The following SLC9C2 variants were observed in gnomAD, a reference collection of about 807,000 sequenced individuals.
SLC9C2 encodes sodium/hydrogen exchanger 11.
In SLC9C2, 75 loss-of-function variants were observed where a neutral mutation model predicts 140.2. That is an observed-to-expected ratio of 0.53 (90% CI 0.44 to 0.65). SLC9C2 has a LOEUF of 0.65. SLC9C2 is among the 30% of genes least tolerant of loss of function. SLC9C2 has a pLI of 0.00. For missense variants in SLC9C2, 1,074 were observed against 1,331.8 expected, an observed-to-expected ratio of 0.81 and a Z score of 3.01; for synonymous variants, 375 against 420.9, an observed-to-expected ratio of 0.89 and a Z score of 1.34.
Position 173,506,859 on chromosome 1 carries a change from C to T in SLC9C2, c.3222G>A (p.Glu1074=), listed in dbSNP as rs750967128. 6 of 1,611,540 alleles carry T rather than the reference C, an allele frequency of 3.7e-6. No homozygotes were observed. The highest frequency in any genetic ancestry group is 2.2e-5 in the East Asian group (1 of 44,790). Residue 1074 remains glutamate, a synonymous_variant, in exon 25 of 28, where the codon GAG becomes GAA. Coordinates refer to ENST00000367714, the MANE Select transcript of SLC9C2 (RefSeq NM_178527.4). ...CTTTAGAAATGATATTTCTTACCTG[C>T]TCACAGGTTGTAGGTATAATGCAAG... ...FAPCIIPTTC[E]QVQGTSDLSK... is the part of the protein sequence containing the mutation.
chr1:173,525,103 G>A (rs1661104988), intron 19 of SLC9C2, among the ~76,000 whole-genome samples, 176 bp from the exon 20 acceptor site: 1 of 152,146 alleles, frequency 6.6e-6, no homozygotes, highest in African/African-American at 2.4e-5. Flanking sequence ...TTTTATGGAT[G>A]AGAAAATTGG....
intron 4 of SLC9C2, among the ~76,000 whole-genome samples, chr1:173,592,588 T>C (rs895741242): frequency 1.3e-5 from 2 of 152,170 alleles, no homozygotes; most frequent in African/African-American, 4.8e-5. Context: ...TGGTAAGCTG[T>C]ATTCTAGATA....
chr1:173,511,029 C>CTTTTTTTTTTTTTTTTT (rs71111066), intron 23 of SLC9C2, among the ~76,000 whole-genome samples: 9 of 86,738 alleles, frequency 1.0e-4, no homozygotes, highest in African/African-American at 4.4e-4. Flanking sequence ...CTTTCTTTTC[C>CTTTTTTTTTTTTTTTTT]TTTTTTTTTT....
chr1:173,537,779 A>G (rs1246208034), intron 13 of SLC9C2, among the ~76,000 whole-genome samples: 1 of 152,152 alleles, frequency 6.6e-6, no homozygotes, highest in Non-Finnish European at 1.5e-5. Flanking sequence ...ACAAAGAACT[A>G]TCAAAAGAAA....
At chr1:173,587,350 C>G (rs887417880) in intron 5 of SLC9C2, among the ~76,000 whole-genome samples, 1 of 152,000 alleles carries the variant, frequency 6.6e-6, no homozygotes, top group Non-Finnish European at 1.5e-5. Flanking sequence ...GAATATCTAC[C>G]TTGTGGCTAA....
intron 5 of SLC9C2, among the ~76,000 whole-genome samples, chr1:173,585,417 A>C (rs1001356348): frequency 3.3e-5 from 5 of 152,208 alleles, no homozygotes; most frequent in Non-Finnish European, 4.4e-5. Flanking sequence ...TTTATTTAAT[A>C]GTTTCTTTTA....
intron 4 of SLC9C2, among the ~76,000 whole-genome samples, chr1:173,590,419 GTCC>G (rs1322340078): frequency 6.6e-6 from 1 of 151,924 alleles, no homozygotes; most frequent in Non-Finnish European, 1.5e-5. Flanking sequence ...AACTAAAATA[GTCC>G]TCCTTTATCT....
At chr1:173,511,559 C>A (rs1161634847) in intron 23 of SLC9C2, among the ~76,000 whole-genome samples, 1 of 151,986 alleles carries the variant, frequency 6.6e-6, no homozygotes, top group Non-Finnish European at 1.5e-5. Context: ...GATATTAGAC[C>A]TTTGTCAGAT....
chr1:173,524,822 G>A lies in SLC9C2; in HGVS notation c.2471C>T (p.Ser824Leu). The A allele has an allele frequency of 6.2e-7, 1 of 1,614,012 alleles. No individual in the cohort carries two copies. The highest frequency in any genetic ancestry group is 8.5e-7 in the Non-Finnish European group (1 of 1,179,936). The change falls in exon 20 of 28, where the codon TCA becomes TTA. Residue 824 changes from serine (S) to leucine (L), a missense_variant. Coordinates refer to ENST00000367714, the MANE Select transcript of SLC9C2 (RefSeq NM_178527.4). ...TTCATGCTTATCAATAATGCCTCTT[G>A]AACAAAGGAAGGTGAGATTTTTTAG... The part of the protein sequence containing the change: ...KALKNLTFLC[S>L]RGIIDKHEVI...
At chr1:173,516,850 C>CA (rs1457918726) in intron 23 of SLC9C2, among the ~76,000 whole-genome samples, 1 of 152,170 alleles carries the variant, frequency 6.6e-6, no homozygotes, top group African/African-American at 2.4e-5. Context: ...ATTGCTGGGT[C>CA]AATGGTACTT....
At position 173,530,018 on chromosome 1, in the gene SLC9C2, G is replaced by C; in HGVS notation, c.2200C>G (p.Gln734Glu). ...VPILIRIADV[Q>E]IKKRLSLMYS... ...ATCAAGCTGAGGCGCTTTTTGATCT[G>C]CACATCTGCAATTCTTATCAGTATT... Residue 734 changes from glutamine (Q) to glutamate (E), a missense_variant, in exon 18 of 28, where the codon CAG (glutamine) becomes GAG (glutamate). Transcript: ENST00000367714. The C allele has an allele frequency of 6.2e-7, 1 of 1,612,080 alleles. No individual in the cohort carries two copies. Among genetic ancestry groups the C allele is most frequent in the Non-Finnish European group, 8.5e-7 (1 of 1,179,492 alleles).
chr1:173,574,413 A>T (rs1241832485), intron 8 of SLC9C2, among the ~76,000 whole-genome samples: 1 of 151,926 alleles, frequency 6.6e-6, no homozygotes, highest in Non-Finnish European at 1.5e-5. Context: ...CTGAACCCCT[A>T]CTGGGGAAGA....
Position 173,581,881 on chromosome 1 carries a change from G to T in SLC9C2, c.768C>A (p.Leu256=). ...AAGTCATGTACACCATTGAAAAGCAGAGAATGATATTAGTCAGCATATTGC... is the reference window on the plus strand; with the variant it reads ...AAGTCATGTACACCATTGAAAAGCATAGAATGATATTAGTCAGCATATTGC... The part of the protein sequence containing the change: ...VFSNMLTNII[L]CFSMVYMTFY... Residue 256 remains leucine (L), a synonymous_variant, in exon 7 of 28, where the codon CTC becomes CTA. Coordinates refer to ENST00000367714, the MANE Select transcript of SLC9C2 (RefSeq NM_178527.4). 6.3e-7 allele frequency: 1 copy of T among 1,594,470 alleles called. No homozygotes were observed. The highest frequency in any genetic ancestry group is 1.1e-5 in the South Asian group (1 of 87,288).
intron 4 of SLC9C2, among the ~76,000 whole-genome samples, chr1:173,592,257 A>G (rs564701099): frequency 1.6e-4 from 24 of 152,280 alleles, no homozygotes; most frequent in Non-Finnish European, 2.5e-4. Context: ...TGTTTTGATT[A>G]CTGTAGTCCT....
intron 9 of SLC9C2, among the ~76,000 whole-genome samples, chr1:173,561,862 G>GACAC (rs1034067865): frequency 4.1e-5 from 5 of 122,230 alleles, no homozygotes; most frequent in Non-Finnish European, 7.9e-5. Flanking sequence ...CACAGACACA[G>GACAC]ACACACACAC....
rs758643461 is a variant in SLC9C2, at chr1:173,548,373, C to T, written c.1461+16G>A. The T allele has an allele frequency of 2.5e-6, 4 of 1,599,156 alleles. No homozygotes were observed. The highest frequency in any genetic ancestry group is 2.3e-5 in the South Asian group (2 of 88,368). ...GGAAGGAAAGGAAAACTACTTTTTGCCAGGTATCAACTCACAGGAATGTAT... is the reference window on the plus strand; with the variant it reads ...GGAAGGAAAGGAAAACTACTTTTTGTCAGGTATCAACTCACAGGAATGTAT... On this transcript the variant is annotated intron_variant, in intron 12 of 27. Transcript: ENST00000367714.
intron 4 of SLC9C2, among the ~76,000 whole-genome samples, chr1:173,590,603 G>A (rs10798291): frequency 0.4 from 60,656 of 151,722 alleles, 14,815 homozygotes; most frequent in East Asian, 0.68. Flanking sequence ...TAGAACAAGT[G>A]TAACCATATG....
chr1:173,538,092 T>A (rs1662105530), intron 13 of SLC9C2, among the ~76,000 whole-genome samples: 1 of 152,238 alleles, frequency 6.6e-6, no homozygotes, highest in Non-Finnish European at 1.5e-5. Flanking sequence ...TTAGCTCCTT[T>A]TCCAGAAGAC....
intron 17 of SLC9C2, among the ~76,000 whole-genome samples, chr1:173,532,031 CT>C (rs1486157426): frequency 5.9e-5 from 9 of 152,138 alleles, no homozygotes; most frequent in African/African-American, 2.2e-4. Flanking sequence ...CAAAATTACC[CT>C]TTAAACCAGG....
Sources: allele counts gnomAD v4.1 joint callset (sites outside exome capture counted in the v4.1 genomes callset), GRCh38; gene constraint gnomAD v4.1.1; transcripts MANE v1.5; gene names NCBI Gene and HGNC (gene_info 2026-07-23, HGNC 2026-07-21).